The following PIK3C3 variants were observed in gnomAD, a reference collection of about 807,000 sequenced individuals.
The protein encoded by PIK3C3 is PI3-kinase type 3.
In PIK3C3, 95 loss-of-function variants were observed where a neutral mutation model predicts 126.1. The observed-to-expected ratio is 0.75, with a 90% confidence interval of 0.64 to 0.89. The LOEUF (loss-of-function observed/expected upper bound fraction) is 0.89. PIK3C3 is among the 40% of genes least tolerant of loss of function. PIK3C3 has a pLI of 0.00. For missense variants in PIK3C3, 829 were observed against 1,063.2 expected, an observed-to-expected ratio of 0.78 and a Z score of 3.06; for synonymous variants, 374 against 360.0, an observed-to-expected ratio of 1.04 and a Z score of -0.44.
chr18:42,054,132 A>ATATC (rs1984931554), intron 21 of PIK3C3, among the ~76,000 whole-genome samples: 10 of 20,246 alleles, frequency 4.9e-4, no homozygotes, highest in East Asian at 1.5e-3. Context: ...AATGGTATAT[A>ATATC]TATATATATA....
intron 10 of PIK3C3, among the ~76,000 whole-genome samples, chr18:42,012,058 A>G (rs994778601): frequency 4.6e-5 from 7 of 152,284 alleles, no homozygotes; most frequent in African/African-American, 1.7e-4. Flanking sequence ...AATAATAATG[A>G]AAAAGTTTGA....
intron 10 of PIK3C3, among the ~76,000 whole-genome samples, chr18:42,008,053 A>G (rs896368398): frequency 2.0e-5 from 3 of 152,100 alleles, no homozygotes; most frequent in Non-Finnish European, 4.4e-5. Context: ...TTCATATCAT[A>G]TAGTGTCTCA....
At chr18:41,993,489 A>G (rs946621815) in intron 7 of PIK3C3, 148 bp downstream of exon 7, 7 of 594,950 alleles carry the variant, frequency 1.2e-5, no homozygotes, top group South Asian at 2.1e-5. Context: ...GCATCTAGGC[A>G]CTGTTTCTGA....
intron 2 of PIK3C3, among the ~76,000 whole-genome samples, chr18:41,960,995 G>A (rs1257727563): frequency 6.6e-6 from 1 of 151,994 alleles, no homozygotes; most frequent in Non-Finnish European, 1.5e-5. Flanking sequence ...GCCTGCCTCG[G>A]CCTCCCAAAG....
rs1457771803 is a variant in PIK3C3, at chr18:41,993,256, G to A, written c.715-14G>A. 5.1e-6 allele frequency: 8 copies of A among 1,563,202 alleles called. No individual in the cohort carries two copies. Among genetic ancestry groups the A allele is most frequent in the Non-Finnish European group, 7.0e-6 (8 of 1,138,784 alleles). On this transcript the variant is annotated splice_polypyrimidine_tract_variant and intron_variant, in intron 6 of 24. Transcript: ENST00000262039. ...AAATTTCTTTTTTTAAAAAATTATT[G>A]CTCTGTAATCTAGGACGGTGATGAA...
At chr18:42,053,722 A>T (rs1984908911) in intron 21 of PIK3C3, among the ~76,000 whole-genome samples, 1 of 152,184 alleles carries the variant, frequency 6.6e-6, no homozygotes, top group Middle Eastern at 3.4e-3. Context: ...AGAAAGGTTA[A>T]TTTTTTTGTT....
chr18:42,018,328 TGTAA>T (rs1487180491), intron 12 of PIK3C3, among the ~76,000 whole-genome samples: 1 of 152,124 alleles, frequency 6.6e-6, no homozygotes, highest in African/African-American at 2.4e-5. Flanking sequence ...CTTTATGTTC[TGTAA>T]GTAATTTTTT....
At chr18:42,076,133 T>TATGTGTGC (rs1473122378) in intron 24 of PIK3C3, among the ~76,000 whole-genome samples, 1 of 91,856 alleles carries the variant, frequency 1.1e-5, no homozygotes, top group Non-Finnish European at 2.0e-5. Context: ...CGCATATATA[T>TATGTGTGC]ATATATATAT....
intron 21 of PIK3C3, among the ~76,000 whole-genome samples, chr18:42,051,772 A>C (rs1984813683): frequency 6.6e-6 from 1 of 151,988 alleles, no homozygotes; most frequent in African/African-American, 2.4e-5. Context: ...TATTGGTTGA[A>C]TCTTTTAACC....
chr18:41,972,658 T>C (rs1044952351), intron 4 of PIK3C3, among the ~76,000 whole-genome samples: 3 of 152,194 alleles, frequency 2.0e-5, no homozygotes, highest in African/African-American at 7.2e-5. Context: ...TAACTTATGT[T>C]CCCCAAAGAC....
At chr18:42,041,640 T>A (rs1055546345) in intron 19 of PIK3C3, among the ~76,000 whole-genome samples, 1 of 151,472 alleles carries the variant, frequency 6.6e-6, no homozygotes, top group East Asian at 1.9e-4. Context: ...ACACCTGAGA[T>A]GAAAGATAAT....
Position 42,081,121 on chromosome 18 carries a change from A to G in PIK3C3, c.2650-2A>G. On this transcript the variant is annotated splice_acceptor_variant, in intron 24 of 24. Transcript: ENST00000262039. LOFTEE classifies it high-confidence loss of function. The stretch of plus-strand genomic sequence containing the variant: ...CTGTTTATTTCTTTTTAATTTTTGT[A>G]GTACTGGAGAAAATGAAACTGGGAT... 1.3e-6 allele frequency: 2 copies of G among 1,537,464 alleles called. No homozygotes were observed. Among genetic ancestry groups the G allele is most frequent in the South Asian group, 1.2e-5 (1 of 85,306 alleles).
intron 3 of PIK3C3, among the ~76,000 whole-genome samples, chr18:41,968,414 A>G (rs1980481758): frequency 6.6e-6 from 1 of 152,210 alleles, no homozygotes; most frequent in African/African-American, 2.4e-5. Context: ...ACATGTATAT[A>G]TGTGGTTTTT....
chr18:41,958,731 G>A lies in PIK3C3; in HGVS notation c.257+973G>A, dbSNP rs192179648. ...TATAGATATATATGTATATAGATAT[G>A]TGTGTATGTGTATGTAGATATACAC... On this transcript the variant is annotated intron_variant, in intron 2 of 24. Transcript: ENST00000262039. 3.3e-3 allele frequency among the ~76,000 whole-genome samples: 505 copies of A among 151,884 alleles called. 8 individuals are homozygous for A. The highest frequency in any genetic ancestry group is 4.5e-3 in the Non-Finnish European group (304 of 67,968).
intron 10 of PIK3C3, 137 bp downstream of exon 10, chr18:42,004,678 G>C: frequency 1.6e-6 from 1 of 641,896 alleles, no homozygotes; most frequent in South Asian, 2.6e-5. Context: ...AAGGGAAGAG[G>C]ATATACTAGG....
chr18:42,060,816 C>T (rs1433619784), intron 22 of PIK3C3, among the ~76,000 whole-genome samples: 2 of 152,050 alleles, frequency 1.3e-5, no homozygotes, highest in African/African-American at 4.8e-5. Context: ...GTTTAACTAT[C>T]AAGTAAGGTT....
rs938906691 is a variant in PIK3C3 at position 42,077,378 on chromosome 18, G to A, written c.2650-3745G>A. ...ATGCTGTTTGATAGCATTTTGCCCA[G>A]AGTAGAACTTTTTGCAGAATTGGAG... On this transcript the variant is annotated intron_variant, in intron 24 of 24. Coordinates refer to ENST00000262039, the MANE Select transcript of PIK3C3 (RefSeq NM_002647.4). 2.0e-5 allele frequency among the ~76,000 whole-genome samples: 3 copies of A among 152,186 alleles called. No individual in the cohort carries two copies. The South Asian group carries it at 6.2e-4, about 32-fold the overall frequency.
intron 3 of PIK3C3, among the ~76,000 whole-genome samples, chr18:41,968,818 G>GTT (rs147168600): frequency 6.8e-6 from 1 of 147,194 alleles, no homozygotes; most frequent in African/African-American, 2.5e-5. Context: ...TTTTTTTGTT[G>GTT]TTTTTTTTTT....
intron 2 of PIK3C3, among the ~76,000 whole-genome samples, chr18:41,958,250 A>G (rs1263755472): frequency 6.6e-6 from 1 of 152,248 alleles, no homozygotes; most frequent in Non-Finnish European, 1.5e-5. Context: ...AGACCTTGTC[A>G]AGATGCAGGG....
Sources: gnomAD v4.1 joint callset for allele counts (sites outside exome capture counted in the v4.1 genomes callset) on GRCh38, gnomAD v4.1.1 for gene constraint, MANE v1.5 for transcripts, NCBI Gene and HGNC (gene_info 2026-07-23, HGNC 2026-07-21) for gene names.